The following TTC28 variants were observed in gnomAD, a reference collection of about 807,000 sequenced individuals.
TTC28 encodes the protein tetratricopeptide repeat protein 28.
Under a neutral mutation model 198.0 loss-of-function variants are expected in TTC28, and 61 were observed. That is an observed-to-expected ratio of 0.31 (90% CI 0.25 to 0.38). TTC28 has a LOEUF of 0.38. Ranked by LOEUF, TTC28 falls within the 10% of genes least tolerant of loss-of-function variation. The pLI is 1.00. For synonymous variants in TTC28, 1,171 were observed against 1,297.8 expected (o/e 0.90, Z 2.10); for missense variants, 2,678 against 3,164.0 (o/e 0.85, Z 3.69).
At chr22:28,008,475 A>C (rs1009828285) in intron 14 of TTC28, 1 of 152,258 alleles carries the variant, frequency 6.6e-6, no homozygotes, top group African/African-American at 2.4e-5. Flanking sequence ...AATGAGATGT[A>C]CTTTTCTTTC....
Position 27,994,264 on chromosome 22 carries a change from C to T in TTC28, c.5245-746G>A, listed in dbSNP as rs1318013608. Among the ~76,000 whole-genome samples, 4 of 152,216 alleles carry T rather than the reference C, an allele frequency of 2.6e-5. No individual in the cohort carries two copies. The South Asian group carries it at 6.2e-4, about 24-fold the overall frequency. ...TTCAAGACAAGCCAGAGCAACATAG[C>T]GAGACCCCAGCTCTACACCCCACCC... On this transcript the variant is annotated intron_variant, in intron 17 of 22. Transcript: ENST00000397906.
intron 2 of TTC28, among the ~76,000 whole-genome samples, chr22:28,317,084 CT>C (rs1372436412): frequency 6.6e-6 from 1 of 152,048 alleles, no homozygotes; most frequent in Non-Finnish European, 1.5e-5. Context: ...TGTTACTGTA[CT>C]TTTATGTTTT....
At chr22:28,128,574 G>C (rs558680772) in intron 6 of TTC28, among the ~76,000 whole-genome samples, 1 of 152,016 alleles carries the variant, frequency 6.6e-6, no homozygotes, top group Non-Finnish European at 1.5e-5. Flanking sequence ...GTTTTGTTCT[G>C]TCACCCAGGC....
chr22:28,376,190 C>A (rs2046406652), intron 2 of TTC28, among the ~76,000 whole-genome samples: 1 of 152,154 alleles, frequency 6.6e-6, no homozygotes, highest in Admixed American at 6.5e-5. Flanking sequence ...CCCTGGAGAA[C>A]CCTAATATAA....
chr22:28,245,311 C>T (rs1929998646), intron 5 of TTC28, among the ~76,000 whole-genome samples: 1 of 152,108 alleles, frequency 6.6e-6, no homozygotes, highest in Non-Finnish European at 1.5e-5. Context: ...CAAAATGCCG[C>T]AGGAAGAGTA....
chr22:28,345,830 A>C (rs1313133115), intron 2 of TTC28, among the ~76,000 whole-genome samples: 1 of 152,224 alleles, frequency 6.6e-6, no homozygotes, highest in Non-Finnish European at 1.5e-5. Context: ...CACTTCAAAC[A>C]AACTGATATT....
intron 2 of TTC28, among the ~76,000 whole-genome samples, chr22:28,349,317 TAACTA>T (rs1483207370): frequency 6.6e-6 from 1 of 152,234 alleles, no homozygotes; most frequent in Non-Finnish European, 1.5e-5. Flanking sequence ...ATTGTTATCT[TAACTA>T]AATTGTAAAA....
intron 5 of TTC28, among the ~76,000 whole-genome samples, chr22:28,269,904 A>G (rs1434064297): frequency 6.6e-6 from 1 of 152,218 alleles, no homozygotes; most frequent in Non-Finnish European, 1.5e-5. Context: ...AAGATAGAAC[A>G]CAAGCAGCAC....
intron 1 of TTC28, among the ~76,000 whole-genome samples, chr22:28,647,780 A>C (rs1472878842): frequency 6.6e-6 from 1 of 151,992 alleles, no homozygotes; most frequent in Admixed American, 6.6e-5. Flanking sequence ...CGAAGCTTGC[A>C]GTGAGCCAAG....
intron 2 of TTC28, among the ~76,000 whole-genome samples, chr22:28,588,141 C>CAA (rs59061860): frequency 4.2e-4 from 58 of 138,762 alleles, no homozygotes; most frequent in Middle Eastern, 3.6e-3. Context: ...GACTCCGTCT[C>CAA]AAAAAAAAAA....
At chr22:28,676,015 T>C (rs1434988110) in intron 1 of TTC28, among the ~76,000 whole-genome samples, 2 of 152,188 alleles carry the variant, frequency 1.3e-5, no homozygotes, top group East Asian at 1.9e-4. Context: ...CTTAGGTATA[T>C]ACCCAAGGGA....
At chr22:28,026,057 A>G (rs1938819168) in intron 13 of TTC28, among the ~76,000 whole-genome samples, 1 of 152,168 alleles carries the variant, frequency 6.6e-6, no homozygotes. Flanking sequence ...TGTGTATTAC[A>G]GTCACTGCAT....
intron 2 of TTC28, among the ~76,000 whole-genome samples, chr22:28,539,110 C>T (rs549977803): frequency 2.6e-5 from 4 of 152,232 alleles, no homozygotes; most frequent in African/African-American, 9.6e-5. Context: ...TCAAGTTCTG[C>T]AGAAGGTGGT....
intron 2 of TTC28, among the ~76,000 whole-genome samples, chr22:28,429,065 C>T (rs2047396029): frequency 6.6e-6 from 1 of 152,182 alleles, no homozygotes; most frequent in African/African-American, 2.4e-5. Context: ...CAATTTGCCT[C>T]CTCATTATGA....
chr22:28,014,903 C>T (rs1466512811), intron 13 of TTC28, among the ~76,000 whole-genome samples: 5 of 152,260 alleles, frequency 3.3e-5, no homozygotes, highest in Non-Finnish European at 7.3e-5. Context: ...AGTAGAAACC[C>T]CTGGCCCCAT....
intron 1 of TTC28, among the ~76,000 whole-genome samples, chr22:28,657,604 C>T (rs1199801909): frequency 1.3e-5 from 2 of 152,216 alleles, no homozygotes; most frequent in African/African-American, 4.8e-5. Context: ...CTGGGCTGGG[C>T]GTGGTGGCTC....
chr22:28,047,209 C>T (rs1939901867), intron 12 of TTC28, among the ~76,000 whole-genome samples: 2 of 152,308 alleles, frequency 1.3e-5, no homozygotes, highest in Admixed American at 6.5e-5. Context: ...TGGAAATGTG[C>T]ACCCTGAAGT....
chr22:28,482,730 C>T (rs1275492958), intron 2 of TTC28, among the ~76,000 whole-genome samples: 2 of 152,172 alleles, frequency 1.3e-5, no homozygotes, highest in Non-Finnish European at 2.9e-5. Context: ...TCTTCCTATT[C>T]TCCCCTCTCC....
At chr22:28,631,501 G>A (rs542915988) in intron 1 of TTC28, among the ~76,000 whole-genome samples, 5 of 152,100 alleles carry the variant, frequency 3.3e-5, no homozygotes, top group African/African-American at 1.2e-4. Context: ...GGAAGCAAAC[G>A]TGTCAAGTGT....
Sources: gnomAD v4.1 joint callset for allele counts (sites outside exome capture counted in the v4.1 genomes callset) on GRCh38, gnomAD v4.1.1 for gene constraint, MANE v1.5 for transcripts, NCBI Gene and HGNC (gene_info 2026-07-23, HGNC 2026-07-21) for gene names.